SANBR: variants seen among roughly 807,000 people sequenced by gnomAD.
The protein encoded by SANBR is SANT and BTB domain regulator of CSR, also known as SANT and BTB domain regulator of class switch recombination.
Under a neutral mutation model 101.8 loss-of-function variants are expected in SANBR, and 77 were observed. The ratio of observed to expected loss-of-function variants is 0.76; its 90% CI spans 0.63 to 0.91. SANBR has a LOEUF of 0.91. Among genes scored for constraint, SANBR ranks in the 40% least tolerant of loss-of-function variants. The pLI, the probability that SANBR is intolerant of heterozygous loss-of-function variation, is 0.00. For synonymous variants in SANBR, 279 were observed against 274.7 expected, an observed-to-expected ratio of 1.02 and a Z score of -0.15; for missense variants, 875 against 853.0, an observed-to-expected ratio of 1.03 and a Z score of -0.32.
At chr2:61,097,572 CTG>C (rs1324059989) in intron 11 of SANBR, 126 bp from the exon 12 acceptor site, 1 of 654,604 alleles carries the variant, frequency 1.5e-6, no homozygotes, top group Non-Finnish European at 2.6e-6. Context: ...TACTTTGTGT[CTG>C]TATAGATTGG....
chr2:61,089,153 G>A (rs1682608528), intron 10 of SANBR: 3 of 984,706 alleles, frequency 3.0e-6, no homozygotes, highest in African/African-American at 1.7e-5. Context: ...ATTTTGGTGA[G>A]GAAAATTGTC....
At chr2:61,104,026 A>G in intron 13 of SANBR, 28 bp downstream of exon 13, 1 of 1,598,248 alleles carries the variant, frequency 6.3e-7, no homozygotes, top group Non-Finnish European at 8.6e-7. Flanking sequence ...CCAACACTGT[A>G]TTATAGCTTT....
At position 61,092,568 on chromosome 2, in the gene SANBR, C is replaced by T. The variant is rs1237247859; in HGVS notation, c.1193C>T (p.Thr398Ile). 6.3e-7 allele frequency: 1 copy of T among 1,593,276 alleles called. No individual in the cohort carries two copies. The highest frequency in any genetic ancestry group is 8.5e-7 in the Non-Finnish European group (1 of 1,172,738). Reference sequence around the variant, plus strand: ...TTGTGGGGAACAATCAATTGGCTGACTTGTTCAAGATGTTATCAGGTAAGA... The same window carrying T: ...TTGTGGGGAACAATCAATTGGCTGATTTGTTCAAGATGTTATCAGGTAAGA... ...WRLWGTINWL[T>I]CSRCYQAFLC... The change falls in exon 11 of 22, where the codon ACT becomes ATT. Residue 398 changes from threonine to isoleucine, a missense_variant. Physicochemically the swap from Thr to Ile is moderately conservative, Grantham distance 89 (BLOSUM62 -1). Coordinates refer to ENST00000402291, the MANE Select transcript of SANBR (RefSeq NM_001129993.3).
At chr2:61,091,118 T>A (rs1010104469) in intron 10 of SANBR, among the ~76,000 whole-genome samples, 3 of 152,100 alleles carry the variant, frequency 2.0e-5, no homozygotes, top group African/African-American at 7.2e-5. Flanking sequence ...GACATTTTAT[T>A]TTTGAGCTAA....
Position 61,097,847 on chromosome 2 carries a change from A to T in SANBR, c.1360A>T (p.Thr454Ser). The T allele has an allele frequency of 6.2e-7, 1 of 1,610,172 alleles. No homozygotes were observed. Among genetic ancestry groups the T allele is most frequent in the Middle Eastern group, 1.7e-4 (1 of 6,032 alleles). ...KVLRFDPTQLTKGCKVRDHMV... is the reference protein window; with the variant it reads ...KVLRFDPTQLSKGCKVRDHMV... Reference sequence around the variant, plus strand: ...TCTTCGGTTTGATCCTACTCAGCTTACAAAGGTGAATTTTGAATATTGCCC... The same window carrying T: ...TCTTCGGTTTGATCCTACTCAGCTTTCAAAGGTGAATTTTGAATATTGCCC... Residue 454 changes from threonine to serine, a missense_variant, in exon 12 of 22, where the codon ACA becomes TCA. Transcript: ENST00000402291.
In SANBR at chr2:61,115,789, A is replaced by G. The variant is rs114144598; in HGVS notation, c.1745-190A>G. 430 of 436,262 alleles carry G rather than the reference A, an allele frequency of 9.9e-4. 3 individuals carry two copies. Among genetic ancestry groups the G allele is most frequent in the African/African-American group, 8.1e-3 (398 of 48,974 alleles). The allele number at this position is 436,262 out of a possible 1,614,324, so 27.0% of individuals were successfully genotyped here. On this transcript the variant is annotated intron_variant, in intron 16 of 21. Transcript: ENST00000402291. ...AAAGAAAATGAACCCCTGTAAAGCA[A>G]TTTCAGCTTATGAACCCCTGTAAAG...
intron 15 of SANBR, among the ~76,000 whole-genome samples, chr2:61,108,879 A>G (rs997981934): frequency 2.6e-5 from 4 of 152,198 alleles, no homozygotes; most frequent in Non-Finnish European, 1.5e-5. Flanking sequence ...GGTGGTTACT[A>G]TATTGTAATT....
In SANBR at chr2:61,086,309, G is replaced by A. The variant is rs139999429; in HGVS notation, c.891-1850G>A. ...TCCCAAAGTTTTGGAATTAACAAGT[G>A]TGAGCCACCATACCCAACCTCTTTT... On this transcript the variant is annotated intron_variant, in intron 8 of 21. Transcript: ENST00000402291. Among the ~76,000 whole-genome samples the A allele has an allele frequency of 2.0e-5, 3 of 151,730 alleles. No homozygotes were observed. In the East Asian group the frequency reaches 5.8e-4, roughly 29 times the overall value.
chr2:61,098,789 A>G (rs1683155327), intron 12 of SANBR, among the ~76,000 whole-genome samples: 1 of 152,260 alleles, frequency 6.6e-6, no homozygotes, highest in South Asian at 2.1e-4. Context: ...AGCACCAAAG[A>G]TGTGCTATAC....
intron 4 of SANBR, 143 bp downstream of exon 4, chr2:61,071,935 A>T (rs1055922974): frequency 4.9e-5 from 29 of 589,210 alleles, no homozygotes; most frequent in Non-Finnish European, 7.9e-5. Context: ...ATCTTCCTGA[A>T]TTTTGTTGTT....
chr2:61,082,825 A>G (rs1035783765), intron 7 of SANBR, among the ~76,000 whole-genome samples: 5 of 152,218 alleles, frequency 3.3e-5, no homozygotes, highest in African/African-American at 9.6e-5. Context: ...TCTCAGAAAA[A>G]AAAAAGAAGT....
At chr2:61,070,005 G>T (rs1338175022) in intron 2 of SANBR, among the ~76,000 whole-genome samples, 1 of 152,026 alleles carries the variant, frequency 6.6e-6, no homozygotes, top group East Asian at 1.9e-4. Flanking sequence ...TCTTCTTAGC[G>T]CTGTGATCTT....
chr2:61,080,849 A>G (rs558071621), intron 6 of SANBR, among the ~76,000 whole-genome samples: 40 of 152,302 alleles, frequency 2.6e-4, no homozygotes, highest in African/African-American at 9.4e-4. Context: ...TAGTACTGTA[A>G]TGATGCAAAA....
At chr2:61,102,078 G>A (rs534748782) in intron 12 of SANBR, among the ~76,000 whole-genome samples, 1 of 151,100 alleles carries the variant, frequency 6.6e-6, no homozygotes, top group South Asian at 2.1e-4. Flanking sequence ...CGATATATAT[G>A]TTGCTCATAT....
At chr2:61,069,560 C>CTGGGTTGGGA (rs1681351915) in intron 2 of SANBR, 5 of 152,284 alleles carry the variant, frequency 3.3e-5, no homozygotes, top group Non-Finnish European at 7.3e-5. Context: ...ATTGTATTCC[C>CTGGGTTGGGA]AACCCAGAAT....
chr2:61,071,846 A>G, intron 4 of SANBR, 54 bp downstream of exon 4: 1 of 1,089,640 alleles, frequency 9.2e-7, no homozygotes, highest in Non-Finnish European at 1.3e-6. Flanking sequence ...TCTGCAGAAT[A>G]TTATATATTC....
At chr2:61,092,032 T>C (rs1276395524) in intron 10 of SANBR, among the ~76,000 whole-genome samples, 1 of 152,224 alleles carries the variant, frequency 6.6e-6, no homozygotes, top group Non-Finnish European at 1.5e-5. Context: ...CAGTAACTAA[T>C]AACAACTTGT....
downstream of SANBR, among the ~76,000 whole-genome samples, chr2:61,128,881 G>A (rs1240316453): frequency 6.6e-6 from 1 of 152,034 alleles, no homozygotes; most frequent in Non-Finnish European, 1.5e-5. Flanking sequence ...AGGATCACTT[G>A]AGCCCAGGAG....
At chr2:61,071,574 A>G in intron 3 of SANBR, 32 bp from the exon 4 acceptor site, 1 of 1,435,494 alleles carries the variant, frequency 7.0e-7, no homozygotes, top group Non-Finnish European at 9.3e-7. Flanking sequence ...AAATTCCCAA[A>G]CCTCTGTTTC....
Sources: gnomAD v4.1 joint callset for allele counts (sites outside exome capture counted in the v4.1 genomes callset) on GRCh38, gnomAD v4.1.1 for gene constraint, MANE v1.5 for transcripts, NCBI Gene and HGNC (gene_info 2026-07-23, HGNC 2026-07-21) for gene names.